The following ESRRG variants were observed in gnomAD, a reference collection of about 807,000 sequenced individuals.
The protein encoded by ESRRG is estrogen-related receptor gamma.
A neutral mutation model predicts 44.0 loss-of-function variants in ESRRG; 13 were observed. That is an observed-to-expected ratio of 0.30 (90% confidence interval 0.19 to 0.47). ESRRG has a LOEUF of 0.47. ESRRG is among the 20% of genes least tolerant of loss of function. The pLI, the probability that ESRRG is intolerant of heterozygous loss-of-function variation, is 1.00. For synonymous variants in ESRRG, 215 were observed against 214.6 expected, an observed-to-expected ratio of 1.00 and a Z score of -0.02; for missense variants, 395 against 580.6, an observed-to-expected ratio of 0.68 and a Z score of 3.29.
chr1:217,064,611 A>C (rs1351898194), intron 1 of ESRRG, among the ~76,000 whole-genome samples: 2 of 152,236 alleles, frequency 1.3e-5, no homozygotes, highest in African/African-American at 4.8e-5. Flanking sequence ...AGAGTGAATG[A>C]GGCCAGGAGA....
intron 2 of ESRRG, among the ~76,000 whole-genome samples, chr1:216,755,563 C>T (rs978006223): frequency 4.0e-5 from 6 of 151,884 alleles, no homozygotes; most frequent in African/African-American, 1.5e-4. Flanking sequence ...CCTTTTTACT[C>T]CTATTTTCTT....
chr1:216,852,110 A>T (rs2095851547), intron 2 of ESRRG, among the ~76,000 whole-genome samples: 1 of 152,220 alleles, frequency 6.6e-6, no homozygotes, highest in African/African-American at 2.4e-5. Context: ...GTTTCCCAAA[A>T]GGGTTGTTTA....
intron 2 of ESRRG, among the ~76,000 whole-genome samples, chr1:216,841,531 G>A (rs567185910): frequency 1.3e-5 from 2 of 151,630 alleles, no homozygotes; most frequent in East Asian, 3.9e-4. Context: ...TTAACATAAA[G>A]GAACAAGGTC....
intron 2 of ESRRG, among the ~76,000 whole-genome samples, chr1:216,833,151 T>C (rs1401727253): frequency 6.6e-6 from 1 of 152,146 alleles, no homozygotes; most frequent in Non-Finnish European, 1.5e-5. Flanking sequence ...GTCAGGATCC[T>C]TCACAGTGTA....
In ESRRG at chr1:216,775,551, C is replaced by CTTTTTTTTTTTTTTTT. The variant is rs71163765; in HGVS notation, c.-13-98076_-13-98061dup. 4.0e-5 allele frequency among the ~76,000 whole-genome samples: 3 copies of CTTTTTTTTTTTTTTTT among 74,784 alleles called. 1 individual carries two copies. The highest frequency in any genetic ancestry group is 1.4e-4 in the African/African-American group (3 of 21,228). 49.1% of individuals were successfully genotyped at this position (74,784 alleles called of 152,430 possible). On this transcript the variant is annotated intron_variant, in intron 2 of 7. Coordinates refer to the ESRRG transcript ENST00000359162. ...TTCCCACCTAAATAAAATGTCACAT[C>CTTTTTTTTTTTTTTTT]TTTTTTTTTTTTTTTTTTTTTTTTT...
At chr1:216,944,721 T>C (rs555242673) in intron 1 of ESRRG, among the ~76,000 whole-genome samples, 38 of 152,294 alleles carry the variant, frequency 2.5e-4, no homozygotes, top group South Asian at 4.1e-4. Context: ...CAGTCTAATG[T>C]TCTACCAACC....
At chr1:216,832,985 A>AT (rs953399382) in intron 2 of ESRRG, among the ~76,000 whole-genome samples, 4 of 151,468 alleles carry the variant, frequency 2.6e-5, no homozygotes, top group African/African-American at 9.7e-5. Flanking sequence ...AAAAAAAAAA[A>AT]ATTCCTCTAC....
At chr1:216,977,117 A>G (rs979846892) in intron 1 of ESRRG, among the ~76,000 whole-genome samples, 2 of 152,014 alleles carry the variant, frequency 1.3e-5, no homozygotes, top group African/African-American at 4.8e-5. Context: ...AAATCCTGGG[A>G]GTCTTATTGG....
intron 2 of ESRRG, among the ~76,000 whole-genome samples, chr1:216,797,654 T>C (rs1434678896): frequency 6.6e-6 from 1 of 152,148 alleles, no homozygotes; most frequent in Non-Finnish European, 1.5e-5. Flanking sequence ...TGCCTGATGT[T>C]TTTTGGGATC....
intron 1 of ESRRG, among the ~76,000 whole-genome samples, chr1:217,008,249 G>A (rs2078041952): frequency 1.3e-5 from 2 of 152,146 alleles, no homozygotes; most frequent in African/African-American, 4.8e-5. Context: ...TTGATTCTTA[G>A]CAAAAGGATT....
At chr1:216,918,888 C>G (rs2061499083) in intron 2 of ESRRG, among the ~76,000 whole-genome samples, 1 of 148,700 alleles carries the variant, frequency 6.7e-6, no homozygotes, top group Admixed American at 6.7e-5. Flanking sequence ...TATATATAAT[C>G]AGATAAACTC....
At chr1:217,093,837 CT>C (rs1048152893), upstream of ESRRG, among the ~76,000 whole-genome samples, 3 of 151,042 alleles carry the variant, frequency 2.0e-5, no homozygotes, top group East Asian at 1.9e-4. Context: ...CAAAACTGCC[CT>C]TTTTTAATGA....
At position 216,612,753 on chromosome 1, in the gene ESRRG, C is replaced by G. The variant is rs1376035897; in HGVS notation, c.589+38220G>C. On this transcript the variant is annotated intron_variant, in intron 3 of 6. Transcript: ENST00000408911. ...AAACTGCTTTGTGGGACTTATTTAA[C>G]CTAAAAGCTCAGTGATGTTTACCTG... 2.0e-5 allele frequency among the ~76,000 whole-genome samples: 3 copies of G among 152,156 alleles called. No individual in the cohort carries two copies. The East Asian group carries it at 5.8e-4, about 29-fold the overall frequency.
At chr1:217,128,508 G>T (rs113164045) in intron 1 of ESRRG, among the ~76,000 whole-genome samples, 2 of 152,124 alleles carry the variant, frequency 1.3e-5, no homozygotes, top group East Asian at 3.9e-4. Flanking sequence ...CCTGGTTATT[G>T]TTGGTTTAAG....
chr1:216,754,212 C>A (rs72739411), intron 2 of ESRRG, among the ~76,000 whole-genome samples: 23,438 of 151,942 alleles, frequency 0.15, 1,984 homozygotes, highest in South Asian at 0.21. Flanking sequence ...ATGAATGTGA[C>A]CTTGACCCAG....
At chr1:217,008,492 G>A (rs1322010503) in intron 1 of ESRRG, among the ~76,000 whole-genome samples, 1 of 151,982 alleles carries the variant, frequency 6.6e-6, no homozygotes, top group East Asian at 1.9e-4. Flanking sequence ...AGTGGCATAG[G>A]CAACATACTA....
At chr1:217,096,520 A>G (rs769334926) in intron 1 of ESRRG, among the ~76,000 whole-genome samples, 1 of 152,170 alleles carries the variant, frequency 6.6e-6, no homozygotes, top group Non-Finnish European at 1.5e-5. Context: ...ATTTCCTCTT[A>G]GTAACTGCCC....
At chr1:216,670,553 G>A (rs1294985105) in intron 2 of ESRRG, among the ~76,000 whole-genome samples, 1 of 152,172 alleles carries the variant, frequency 6.6e-6, no homozygotes, top group Non-Finnish European at 1.5e-5. Flanking sequence ...GCCGTCCCCT[G>A]CGTACACCTT....
chr1:217,119,279 A>C (rs1017109633), intron 1 of ESRRG, among the ~76,000 whole-genome samples: 1 of 152,172 alleles, frequency 6.6e-6, no homozygotes, highest in Non-Finnish European at 1.5e-5. Context: ...GTTTCACCAC[A>C]GATAGAGGCT....
Sources: allele counts gnomAD v4.1 joint callset (sites outside exome capture counted in the v4.1 genomes callset), GRCh38; gene constraint gnomAD v4.1.1; transcripts MANE v1.5; gene names NCBI Gene and HGNC (gene_info 2026-07-23, HGNC 2026-07-21).